Variants in GPC5 observed in about 807,000 individuals in gnomAD.
GPC5 encodes glypican-5.
In GPC5, 47 loss-of-function variants were observed where a neutral mutation model predicts 53.9. The observed-to-expected ratio is 0.87, with a 90% confidence interval of 0.69 to 1.11. The LOEUF (loss-of-function observed/expected upper bound fraction) is 1.11, where lower values mean the gene tolerates loss of function less well. Ranked by LOEUF, GPC5 falls within the 50% of genes most tolerant of loss-of-function variation. The probability of loss-of-function intolerance (pLI) is 0.00; values close to 1 mark genes in which losing one functional copy is unlikely to be tolerated. For synonymous variants in GPC5, 286 were observed against 263.3 expected (o/e 1.09, Z -0.84); for missense variants, 748 against 713.1 (o/e 1.05, Z -0.56).
In GPC5 at chr13:91,634,807, G is replaced by T. The variant is rs2034246333; in HGVS notation, c.326-58380G>T. On this transcript the variant is annotated intron_variant, in intron 2 of 7. Coordinates refer to ENST00000377067, the MANE Select transcript of GPC5 (RefSeq NM_004466.6). The stretch of plus-strand genomic sequence containing the variant: ...GTAGATTACATTGTTAAAAAAAAGT[G>T]TTCCATTTAATAAATGCATATGATT... 2.6e-5 allele frequency among the ~76,000 whole-genome samples: 4 copies of T among 152,048 alleles called. No individual in the cohort carries two copies. In the South Asian group the frequency reaches 8.3e-4, roughly 31 times the overall value.
intron 7 of GPC5, among the ~76,000 whole-genome samples, chr13:92,724,913 A>ACACACACACACACACACAC (rs1566386562): frequency 1.1e-5 from 1 of 88,874 alleles, no homozygotes. Context: ...CACACACACA[A>ACACACACACACACACACAC]GAAAGAAAAA....
rs144788125 is a variant in GPC5 at position 92,760,009 on chromosome 13, T to C, written c.1562-106273T>C. On this transcript the variant is annotated intron_variant, in intron 7 of 7. Coordinates refer to ENST00000377067, the MANE Select transcript of GPC5 (RefSeq NM_004466.6). The stretch of plus-strand genomic sequence containing the variant: ...TTTTTCAATATATTAGTGTGATGTA[T>C]AACATTGACTGATTTGCACATGTTA... 3.6e-3 allele frequency among the ~76,000 whole-genome samples: 543 copies of C among 152,256 alleles called. 11 individuals are homozygous for C. The highest frequency in any genetic ancestry group is 0.034 in the Admixed American group (519 of 15,290).
In GPC5 at chr13:92,149,098, C is replaced by T. The variant is rs2041889046; in HGVS notation, c.1561+4109C>T. ...AAAATGCATCTGATCACAACTAGAACCAGATACCAGACACTTTTAAAAAGT... is the reference window on the plus strand; with the variant it reads ...AAAATGCATCTGATCACAACTAGAATCAGATACCAGACACTTTTAAAAAGT... On this transcript the variant is annotated intron_variant, in intron 7 of 7. Transcript: ENST00000377067. 2.6e-5 allele frequency among the ~76,000 whole-genome samples: 4 copies of T among 151,982 alleles called. No individual in the cohort carries two copies. In the South Asian group the frequency reaches 8.3e-4, roughly 31 times the overall value.
intron 5 of GPC5, among the ~76,000 whole-genome samples, chr13:91,783,564 A>G (rs3012004): frequency 0.37 from 56,592 of 151,852 alleles, 12,115 homozygotes; most frequent in African/African-American, 0.59. Flanking sequence ...CTCCTGAGTA[A>G]CTGGGATTAT....
chr13:92,602,228 TATA>T (rs1397342606), intron 7 of GPC5, among the ~76,000 whole-genome samples: 3 of 26,616 alleles, frequency 1.1e-4, no homozygotes, highest in Non-Finnish European at 2.9e-4. Context: ...TAAATATATA[TATA>T]ACATATATAT....
At chr13:92,770,321 G>T (rs1032383982) in intron 7 of GPC5, among the ~76,000 whole-genome samples, 2 of 151,436 alleles carry the variant, frequency 1.3e-5, no homozygotes, top group African/African-American at 4.9e-5. Flanking sequence ...GACTGAGGTG[G>T]GAGAACATTC....
intron 5 of GPC5, among the ~76,000 whole-genome samples, chr13:91,773,146 CACAG>C (rs2037654808): frequency 1.3e-5 from 2 of 152,074 alleles, no homozygotes; most frequent in Admixed American, 6.6e-5. Context: ...AAGCCTTTAA[CACAG>C]ACAGAATTTT....
intron 2 of GPC5, among the ~76,000 whole-genome samples, chr13:91,450,433 T>C (rs1186866939): frequency 6.6e-6 from 1 of 152,178 alleles, no homozygotes; most frequent in South Asian, 2.1e-4. Context: ...TTGTGATAGG[T>C]GGTCATATGC....
At chr13:92,844,007 G>C (rs1878517084) in intron 7 of GPC5, among the ~76,000 whole-genome samples, 1 of 151,298 alleles carries the variant, frequency 6.6e-6, no homozygotes, top group East Asian at 1.9e-4. Context: ...GTGTGCTAGA[G>C]CTGGAAGACA....
rs533996892 is a variant in GPC5 at position 91,466,880 on chromosome 13, C to CT, written c.325+17959dup. On this transcript the variant is annotated intron_variant, in intron 2 of 7. Coordinates refer to ENST00000377067, the MANE Select transcript of GPC5 (RefSeq NM_004466.6). ...CAACTCTAAGACTGTGGGTATACTA[C>CT]TATGGAGAGCACACACATTCCTTCA... 5.5e-3 allele frequency among the ~76,000 whole-genome samples: 836 copies of CT among 152,148 alleles called. 7 individuals are homozygous for CT. The highest frequency in any genetic ancestry group is 0.021 in the Middle Eastern group (6 of 292).
chr13:91,564,741 T>C (rs2031447280), intron 2 of GPC5, among the ~76,000 whole-genome samples: 1 of 152,134 alleles, frequency 6.6e-6, no homozygotes, highest in Non-Finnish European at 1.5e-5. Context: ...TTTTTCCAGG[T>C]ATCAAATATG....
intron 4 of GPC5, among the ~76,000 whole-genome samples, chr13:91,735,469 C>G (rs1352919965): frequency 6.6e-6 from 1 of 151,058 alleles, no homozygotes; most frequent in African/African-American, 2.5e-5. Context: ...ATTGCAATTG[C>G]TTTTGCTTTT....
chr13:92,422,251 G>A (rs1876600547), intron 7 of GPC5, among the ~76,000 whole-genome samples: 2 of 152,028 alleles, frequency 1.3e-5, no homozygotes, highest in Admixed American at 1.3e-4. Flanking sequence ...AACCTCAGGA[G>A]ATGCATGTAA....
At chr13:92,499,199 A>C (rs1880095081) in intron 7 of GPC5, among the ~76,000 whole-genome samples, 1 of 152,150 alleles carries the variant, frequency 6.6e-6, no homozygotes, top group Non-Finnish European at 1.5e-5. Flanking sequence ...GTTCAAAAGT[A>C]ATGTGAGGTG....
intron 7 of GPC5, among the ~76,000 whole-genome samples, chr13:92,164,388 C>G (rs1033586543): frequency 6.6e-6 from 1 of 152,112 alleles, no homozygotes; most frequent in African/African-American, 2.4e-5. Flanking sequence ...GAGAAATTGG[C>G]CAAAATGAAG....
chr13:91,773,838 C>T (rs1036421058), intron 5 of GPC5, among the ~76,000 whole-genome samples: 1 of 152,096 alleles, frequency 6.6e-6, no homozygotes, highest in Admixed American at 6.6e-5. Context: ...AAACCTGATC[C>T]GTTAGTCTAT....
chr13:92,440,266 G>T (rs1016490125), intron 7 of GPC5, among the ~76,000 whole-genome samples: 3 of 152,064 alleles, frequency 2.0e-5, no homozygotes, highest in Admixed American at 6.6e-5. Flanking sequence ...TCTCTCCATT[G>T]TAGTAGTCTC....
At chr13:92,720,166 A>G (rs1049004815) in intron 7 of GPC5, among the ~76,000 whole-genome samples, 4 of 152,138 alleles carry the variant, frequency 2.6e-5, no homozygotes, top group Non-Finnish European at 4.4e-5. Context: ...TGAAACAACC[A>G]TTTCTCTAAC....
intron 5 of GPC5, among the ~76,000 whole-genome samples, chr13:91,777,924 C>T (rs757235621): frequency 6.6e-6 from 1 of 152,094 alleles, no homozygotes; most frequent in Non-Finnish European, 1.5e-5. Context: ...AGAGGATATG[C>T]TTGGCACCGC....
Sources: allele counts gnomAD v4.1 joint callset (sites outside exome capture counted in the v4.1 genomes callset), GRCh38; gene constraint gnomAD v4.1.1; transcripts MANE v1.5; gene names NCBI Gene and HGNC (gene_info 2026-07-23, HGNC 2026-07-21).